The following KCNQ1OT1 variants were observed in gnomAD, a reference collection of about 807,000 sequenced individuals.
KCNQ1OT1 encodes KCNQ1 opposite strand/antisense transcript 1, also known as KCNQ1 antisense RNA 2 (non-protein coding).
chr11:2,671,069 G>T lies in KCNQ1OT1; in HGVS notation n.28926C>A. On this transcript the variant is annotated non_coding_transcript_exon_variant, in exon 1 of 1. Coordinates refer to ENST00000597346, the Ensembl canonical transcript of KCNQ1OT1. This position sits in a 1 kb window ranked among gnomAD's most constrained non-coding sequence, Gnocchi z 4.7. ...ATCTGAGGCACACATCCTTGGTAGT[G>T]ACTGGCTAGCAGGAGGAAGTCTGGC... 1 of 398,640 alleles carries T rather than the reference G, an allele frequency of 2.5e-6. No homozygotes were observed. Among genetic ancestry groups the T allele is most frequent in the South Asian group, 1.3e-4 (1 of 7,842 alleles). 24.7% of individuals were successfully genotyped at this position (398,640 alleles called of 1,614,324 possible).
Position 2,654,753 on chromosome 11 carries a change from G to C in KCNQ1OT1, n.45242C>G. 2.5e-6 allele frequency: 1 copy of C among 398,686 alleles called. No homozygotes were observed. Among genetic ancestry groups the C allele is most frequent in the African/African-American group, 2.1e-5 (1 of 48,694 alleles). The allele number at this position is 398,686 out of a possible 1,614,324, so 24.7% of individuals were successfully genotyped here. On this transcript the variant is annotated non_coding_transcript_exon_variant, in exon 1 of 1. Transcript: ENST00000597346. This position sits in a 1 kb window ranked among gnomAD's most constrained non-coding sequence, Gnocchi z 6.4. ...CTGGGCAGGGAGGGGTCTGGGGCTCGATGAGAAGGCAGAGGAAGTGAGACC... is the reference window on the plus strand; with the variant it reads ...CTGGGCAGGGAGGGGTCTGGGGCTCCATGAGAAGGCAGAGGAAGTGAGACC...
exon 1 of KCNQ1OT1, chr11:2,685,290 T>C: frequency 2.5e-6 from 1 of 398,648 alleles, no homozygotes; most frequent in South Asian, 1.3e-4. Context: ...CCCACAAACA[T>C]GCACACAGAG....
chr11:2,656,549 T>G (rs1849851616), exon 1 of KCNQ1OT1: 1 of 398,584 alleles, frequency 2.5e-6, no homozygotes, highest in South Asian at 1.3e-4. Flanking sequence ...GCAACACCTT[T>G]CCACATGCTC....
At chr11:2,681,928 G>C (rs1049883126) in exon 1 of KCNQ1OT1, 25 of 398,592 alleles carry the variant, frequency 6.3e-5, no homozygotes, top group African/African-American at 4.7e-4. Context: ...TTAGGCTGAA[G>C]AATAATCTTC....
chr11:2,672,991 G>A (rs897105346), exon 1 of KCNQ1OT1: 3 of 398,610 alleles, frequency 7.5e-6, no homozygotes, highest in East Asian at 3.6e-5. Flanking sequence ...TTGCCTAAAG[G>A]AGAAGCCAGT....
Position 2,617,003 on chromosome 11 carries a change from A to G in KCNQ1OT1, n.82992T>C, listed in dbSNP as rs1318108471. The G allele has an allele frequency of 1.0e-5, 4 of 397,930 alleles. No individual in the cohort carries two copies. The highest frequency in any genetic ancestry group is 1.3e-5 in the Non-Finnish European group (3 of 225,818). The allele number at this position is 397,930 out of a possible 1,614,324, so 24.6% of individuals were successfully genotyped here. On this transcript the variant is annotated non_coding_transcript_exon_variant, in exon 1 of 1. Transcript: ENST00000597346. The surrounding 1 kb of genome is among the most constrained non-coding windows in gnomAD (Gnocchi z 4.6). ...TTTTAAAAATATGCATATTTAGTGT[A>G]TAAAACATACAGTTAAATCGTTAAC... is the stretch of plus-strand genomic sequence containing the variant.
chr11:2,624,851 T>A lies in KCNQ1OT1; in HGVS notation n.75144A>T, dbSNP rs73415381. 7.5e-6 allele frequency: 3 copies of A among 398,424 alleles called. No homozygotes were observed. The highest frequency in any genetic ancestry group is 1.3e-5 in the Non-Finnish European group (3 of 226,060). The allele number at this position is 398,424 out of a possible 1,614,324, so 24.7% of individuals were successfully genotyped here. ...GAAACATACAGTACTTCTCTTCTTG[T>A]GACTGCTGTATTTCATTTAACATAA... On this transcript the variant is annotated non_coding_transcript_exon_variant, in exon 1 of 1. Coordinates refer to ENST00000597346, the Ensembl canonical transcript of KCNQ1OT1. The surrounding 1 kb of genome is among the most constrained non-coding windows in gnomAD (Gnocchi z 4.9).
chr11:2,668,094 C>T lies in KCNQ1OT1; in HGVS notation n.31901G>A. The T allele has an allele frequency of 5.0e-6, 2 of 398,552 alleles. No homozygotes were observed. Among genetic ancestry groups the T allele is most frequent in the Non-Finnish European group, 8.8e-6 (2 of 226,060 alleles). 24.7% of individuals were successfully genotyped at this position (398,552 alleles called of 1,614,324 possible). On this transcript the variant is annotated non_coding_transcript_exon_variant, in exon 1 of 1. Transcript: ENST00000597346. This position sits in a 1 kb window ranked among gnomAD's most constrained non-coding sequence, Gnocchi z 4.3. ...GATGCAACTCATACACCTTTGTGTC[C>T]AATGTCCCTCACTCAATTTGATGTC...
chr11:2,667,242 G>C (rs1590019037), exon 1 of KCNQ1OT1: 1 of 398,642 alleles, frequency 2.5e-6, no homozygotes, highest in East Asian at 3.6e-5. Flanking sequence ...TCCTCCGTCT[G>C]AGCACGTGAG....
chr11:2,689,247 C>G (rs1850548227), exon 1 of KCNQ1OT1: 1 of 398,594 alleles, frequency 2.5e-6, no homozygotes. Context: ...GAAGTCAGCC[C>G]TTGGAGGACG....
At chr11:2,655,530 A>G (rs1849830469) in exon 1 of KCNQ1OT1, 1 of 398,644 alleles carries the variant, frequency 2.5e-6, no homozygotes. Context: ...CATGGGCTCA[A>G]CCTTCTCTGC....
exon 1 of KCNQ1OT1, chr11:2,699,114 C>T (rs1038169526): frequency 1.0e-5 from 4 of 398,542 alleles, no homozygotes; most frequent in African/African-American, 8.2e-5. Flanking sequence ...GACTCAGAAC[C>T]ACGATGCGGA....
exon 1 of KCNQ1OT1, chr11:2,686,021 C>CT (rs1378765750): frequency 5.0e-6 from 2 of 399,038 alleles, no homozygotes; most frequent in Non-Finnish European, 4.4e-6. Context: ...GGGGCTCACT[C>CT]TAAGCCCCGC....
exon 1 of KCNQ1OT1, chr11:2,684,679 A>G (rs1330070508): frequency 7.5e-6 from 3 of 398,510 alleles, no homozygotes; most frequent in Non-Finnish European, 1.3e-5. Context: ...GCAGGGAGCT[A>G]GTGGCCAACT....
chr11:2,620,948 GT>G lies in KCNQ1OT1; in HGVS notation n.79046del, dbSNP rs58203092. The G allele has an allele frequency of 6.8e-3, 2,629 of 386,620 alleles. 39 individuals carry two copies. The highest frequency in any genetic ancestry group is 0.038 in the African/African-American group (1,812 of 47,568). The allele number at this position is 386,620 out of a possible 1,614,324, so 23.9% of individuals were successfully genotyped here. A position where few individuals can be genotyped will look rare whatever the true frequency, so the allele number is the denominator to read the frequency against. Reference sequence around the variant, plus strand: ...TTTTTTGTTGTTGTTGTTTTGTTTTGTTTTTTTTTGTCTGTTTTTTGCTTTT... The same window carrying G: ...TTTTTTGTTGTTGTTGTTTTGTTTTGTTTTTTTTGTCTGTTTTTTGCTTTT... On this transcript the variant is annotated non_coding_transcript_exon_variant, in exon 1 of 1. Coordinates refer to ENST00000597346, the Ensembl canonical transcript of KCNQ1OT1. The surrounding 1 kb of genome is among the most constrained non-coding windows in gnomAD (Gnocchi z 4.5).
chr11:2,629,784 A>C (rs939144803), exon 1 of KCNQ1OT1: 2 of 398,304 alleles, frequency 5.0e-6, no homozygotes, highest in South Asian at 1.3e-4. Flanking sequence ...GTATCCTGCC[A>C]CTTTACTGAG....
In KCNQ1OT1 at chr11:2,661,127, CAG is replaced by C; in HGVS notation, n.38866_38867del. 2.5e-6 allele frequency: 1 copy of C among 398,442 alleles called. No individual in the cohort carries two copies. The highest frequency in any genetic ancestry group is 4.4e-6 in the Non-Finnish European group (1 of 226,038). The allele number at this position is 398,442 out of a possible 1,614,324, so 24.7% of individuals were successfully genotyped here. A position where few individuals can be genotyped will look rare whatever the true frequency, so the allele number is the denominator to read the frequency against. On this transcript the variant is annotated non_coding_transcript_exon_variant, in exon 1 of 1. Transcript: ENST00000597346. This position sits in a 1 kb window ranked among gnomAD's most constrained non-coding sequence, Gnocchi z 5.9. The stretch of plus-strand genomic sequence containing the variant: ...ACCTGGCATCTGCTGCTCGGATGAG[CAG>C]AGAGGGTGGGCTAGGGATCTAGTTG...
At position 2,611,785 on chromosome 11, in the gene KCNQ1OT1, C is replaced by A; in HGVS notation, n.88210G>T. 2.5e-6 allele frequency: 1 copy of A among 398,318 alleles called. No homozygotes were observed. Among genetic ancestry groups the A allele is most frequent in the South Asian group, 1.3e-4 (1 of 7,810 alleles). The allele number at this position is 398,318 out of a possible 1,614,324, so 24.7% of individuals were successfully genotyped here. ...CTATATGTCTCATATCACTTTTGTTCCTCTCTTCCTCCTTTACTGCCTTCT... is the reference window on the plus strand; with the variant it reads ...CTATATGTCTCATATCACTTTTGTTACTCTCTTCCTCCTTTACTGCCTTCT... On this transcript the variant is annotated non_coding_transcript_exon_variant, in exon 1 of 1. Coordinates refer to ENST00000597346, the Ensembl canonical transcript of KCNQ1OT1. The surrounding 1 kb of genome is among the most constrained non-coding windows in gnomAD (Gnocchi z 5.3).
chr11:2,631,908 C>T (rs890611289), exon 1 of KCNQ1OT1: 17 of 397,450 alleles, frequency 4.3e-5, no homozygotes, highest in Non-Finnish European at 4.9e-5. Context: ...GAAAGCTGGG[C>T]GCAGTGGCTC....
Sources: allele counts gnomAD v4.1 joint callset, GRCh38; gene constraint gnomAD v4.1.1; non-coding constraint Gnocchi (gnomAD v3.1); transcripts MANE v1.5; gene names NCBI Gene and HGNC (gene_info 2026-07-23, HGNC 2026-07-21).